Variants in ZNF430 observed in about 807,000 individuals in gnomAD.
The protein encoded by ZNF430 is zinc finger protein 430.
Under a neutral mutation model 56.7 loss-of-function variants are expected in ZNF430, and 35 were observed. That is an observed-to-expected ratio of 0.62 (90% CI 0.47 to 0.82). ZNF430 has a LOEUF of 0.82. ZNF430 is among the 40% of genes least tolerant of loss of function. The pLI is 0.00. For synonymous variants in ZNF430, 212 were observed against 224.3 expected (o/e 0.94, Z 0.49); for missense variants, 574 against 661.0 (o/e 0.87, Z 1.44).
At chr19:21,041,158 C>T (rs906118206) in intron 4 of ZNF430, among the ~76,000 whole-genome samples, 1 of 152,066 alleles carries the variant, frequency 6.6e-6, no homozygotes, top group Non-Finnish European at 1.5e-5. Context: ...GATAGAGTCT[C>T]ATTCTGTCAA....
intron 4 of ZNF430, among the ~76,000 whole-genome samples, chr19:21,043,145 T>C (rs1007565223): frequency 3.9e-5 from 6 of 152,330 alleles, no homozygotes; most frequent in Non-Finnish European, 7.4e-5. Context: ...TTGTCAAGTT[T>C]TGCTTTTGTT....
Position 21,056,620 on chromosome 19 carries a change from A to G in ZNF430, c.323-11A>G, listed in dbSNP as rs1968383221. 1 of 1,489,508 alleles carries G rather than the reference A, an allele frequency of 6.7e-7. No individual in the cohort carries two copies. Among genetic ancestry groups the G allele is most frequent in the Non-Finnish European group, 8.9e-7 (1 of 1,119,210 alleles). The allele number at this position is 1,489,508 out of a possible 1,614,324, so 92.3% of individuals were successfully genotyped here. A position where few individuals can be genotyped will look rare whatever the true frequency, so the allele number is the denominator to read the frequency against. ...GTAAATGGAGTAATTTGTTATTTTT[A>G]TTTCTTTCAGTTACATATTCTCATT... On this transcript the variant is annotated splice_polypyrimidine_tract_variant and intron_variant, in intron 4 of 4. Transcript: ENST00000261560.
At chr19:21,038,845 T>C (rs1413737889) in intron 4 of ZNF430, among the ~76,000 whole-genome samples, 1 of 152,228 alleles carries the variant, frequency 6.6e-6, no homozygotes, top group East Asian at 1.9e-4. Flanking sequence ...AAAACTGTGC[T>C]ATTGTCATTT....
At chr19:21,043,306 G>C (rs879357299) in intron 4 of ZNF430, among the ~76,000 whole-genome samples, 8 of 152,162 alleles carry the variant, frequency 5.3e-5, no homozygotes, top group Admixed American at 5.2e-4. Context: ...ACAGGTGTAA[G>C]GAAGGGTTCC....
At chr19:21,034,307 T>C in intron 4 of ZNF430, 123 bp downstream of exon 4, 1 of 769,372 alleles carries the variant, frequency 1.3e-6, no homozygotes, top group South Asian at 2.4e-5. Context: ...AAGCCTGAGT[T>C]TTTTTTTTTA....
At chr19:21,047,372 C>T (rs1420523985) in intron 4 of ZNF430, among the ~76,000 whole-genome samples, 1 of 152,212 alleles carries the variant, frequency 6.6e-6, no homozygotes, top group African/African-American at 2.4e-5. Flanking sequence ...GTTCTGTGCC[C>T]TTCCTGGAGA....
intron 2 of ZNF430, chr19:21,025,976 CT>C: frequency 4.9e-6 from 2 of 410,838 alleles, no homozygotes; most frequent in Non-Finnish European, 9.1e-6. Context: ...GGTCATCACA[CT>C]TTTTATGAGA....
intron 4 of ZNF430, among the ~76,000 whole-genome samples, chr19:21,047,411 G>T (rs769982368): frequency 2.3e-4 from 35 of 152,148 alleles, no homozygotes; most frequent in Non-Finnish European, 4.3e-4. Flanking sequence ...AGGAAAGGAG[G>T]CACTCTGGCT....
chr19:21,035,996 A>C (rs918363938), intron 4 of ZNF430: 2 of 152,202 alleles, frequency 1.3e-5, no homozygotes, highest in African/African-American at 4.8e-5. Context: ...TTTTAATGGT[A>C]TATCAGTGTT....
chr19:21,043,411 C>T (rs1426531734), intron 4 of ZNF430, among the ~76,000 whole-genome samples: 1 of 152,098 alleles, frequency 6.6e-6, no homozygotes, highest in African/African-American at 2.4e-5. Context: ...TCAGATTTTT[C>T]AAAGATCAGA....
At chr19:21,043,426 T>G (rs934933271) in intron 4 of ZNF430, among the ~76,000 whole-genome samples, 7 of 152,192 alleles carry the variant, frequency 4.6e-5, no homozygotes, top group African/African-American at 1.7e-4. Context: ...ATCAGATGGT[T>G]GTAGATAAGC....
intron 2 of ZNF430, among the ~76,000 whole-genome samples, chr19:21,029,890 G>A (rs1323037602): frequency 2.6e-5 from 4 of 151,912 alleles, no homozygotes; most frequent in East Asian, 1.9e-4. Flanking sequence ...GCTTGAACCC[G>A]GGAGGCGGAG....
At position 21,057,020 on chromosome 19, in the gene ZNF430, T is replaced by C. The variant is rs1358696823; in HGVS notation, c.712T>C (p.Cys238Arg). ...GGAAAATTCTTACCAATGTGAAGAA[T>C]GTGGTAAAGTCTTTAACTGGTTCTC... ...IRENSYQCEE[C>R]GKVFNWFSTL... The change falls in exon 5 of 5, where the codon TGT (cysteine) becomes CGT (arginine). Residue 238 changes from cysteine (C) to arginine (R), a missense_variant. Coordinates refer to ENST00000261560, the MANE Select transcript of ZNF430 (RefSeq NM_025189.4). 6.2e-7 allele frequency: 1 copy of C among 1,613,940 alleles called. No individual in the cohort carries two copies. The highest frequency in any genetic ancestry group is 1.7e-5 in the Admixed American group (1 of 59,992).
intron 4 of ZNF430, 150 bp downstream of exon 4, chr19:21,034,334 G>T (rs1412659717): frequency 1.7e-5 from 10 of 573,806 alleles, no homozygotes. Flanking sequence ...CCCTCGCATA[G>T]GGTCATCTTC....
At chr19:21,022,287 C>T (rs1368830654) in intron 1 of ZNF430, among the ~76,000 whole-genome samples, 3 of 152,060 alleles carry the variant, frequency 2.0e-5, no homozygotes, top group Admixed American at 6.6e-5. Context: ...GTCTAACCCC[C>T]GTCCCCCATT....
intron 3 of ZNF430, 57 bp from the exon 4 acceptor site, chr19:21,034,029 A>G: frequency 7.4e-7 from 1 of 1,344,042 alleles, no homozygotes; most frequent in Non-Finnish European, 1.1e-6. Flanking sequence ...TAAGCACAGT[A>G]CTAGGTTGGT....
chr19:21,037,240 G>A (rs575666438), intron 4 of ZNF430, among the ~76,000 whole-genome samples: 54 of 151,502 alleles, frequency 3.6e-4, no homozygotes, highest in Non-Finnish European at 5.9e-4. Context: ...TCAGCCTCCC[G>A]AGTAGCTGGG....
chr19:21,048,019 T>G (rs1035141424), intron 4 of ZNF430, among the ~76,000 whole-genome samples: 6 of 152,170 alleles, frequency 3.9e-5, no homozygotes, highest in Non-Finnish European at 8.8e-5. Flanking sequence ...TTTTTCTCAT[T>G]TCCTGTTTTA....
At chr19:21,025,997 G>A (rs977532945) in intron 2 of ZNF430, 48 of 392,408 alleles carry the variant, frequency 1.2e-4, no homozygotes, top group Non-Finnish European at 2.2e-4. Context: ...ATAGTAATGT[G>A]GGCCCCAGAT....
Sources: gnomAD v4.1 joint callset for allele counts (sites outside exome capture counted in the v4.1 genomes callset) on GRCh38, gnomAD v4.1.1 for gene constraint, MANE v1.5 for transcripts, NCBI Gene and HGNC (gene_info 2026-07-23, HGNC 2026-07-21) for gene names.